The following LRRIQ1 variants were observed in gnomAD, a reference collection of about 807,000 sequenced individuals.
The protein encoded by LRRIQ1 is leucine rich repeats and IQ motif containing 1.
Under a neutral mutation model 211.9 loss-of-function variants are expected in LRRIQ1, and 210 were observed. That is an observed-to-expected ratio of 0.99 (90% confidence interval 0.89 to 1.11). The LOEUF is 1.11. Ranked by LOEUF, LRRIQ1 falls within the 50% of genes most tolerant of loss-of-function variation. LRRIQ1 has a pLI of 0.00. For synonymous variants in LRRIQ1, 699 were observed against 650.1 expected (o/e 1.08, Z -1.14); for missense variants, 2,136 against 1,939.5 (o/e 1.10, Z -1.90).
rs555601217 is a variant in LRRIQ1 at position 85,133,483 on chromosome 12, G to A, written c.4210-4367G>A. Among the ~76,000 whole-genome samples, 6 of 152,248 alleles carry A rather than the reference G, an allele frequency of 3.9e-5. No individual in the cohort carries two copies. In the South Asian group the frequency reaches 1.0e-3, roughly 26 times the overall value. On this transcript the variant is annotated intron_variant, in intron 18 of 26. Coordinates refer to ENST00000393217, the MANE Select transcript of LRRIQ1 (RefSeq NM_001079910.2). ...AATAAATTGTAATTCTTCCGAGGGT[G>A]TGACAATATATTTCTTACTTCTCCT...
At chr12:85,186,619 A>G (rs1892240442) in intron 24 of LRRIQ1, among the ~76,000 whole-genome samples, 1 of 152,150 alleles carries the variant, frequency 6.6e-6, no homozygotes, top group African/African-American at 2.4e-5. Context: ...GAGTACTTTA[A>G]TGGTAGCATT....
rs566528717 is a variant in LRRIQ1, at chr12:85,065,704, T to C, written c.2544+290T>C. 3.5e-4 allele frequency among the ~76,000 whole-genome samples: 53 copies of C among 151,966 alleles called. No individual in the cohort carries two copies. The South Asian group carries it at 0.011, about 31-fold the overall frequency. On this transcript the variant is annotated intron_variant, in intron 9 of 26. Transcript: ENST00000393217. Reference sequence around the variant, plus strand: ...ACTTAGTAGTTTAAACCAACAACCATCCTATTTGTTCATGGGTCTGTGGGC... The same window carrying C: ...ACTTAGTAGTTTAAACCAACAACCACCCTATTTGTTCATGGGTCTGTGGGC...
chr12:85,198,349 G>T (rs977330471), intron 24 of LRRIQ1, among the ~76,000 whole-genome samples: 2 of 150,390 alleles, frequency 1.3e-5, no homozygotes, highest in African/African-American at 4.9e-5. Context: ...TGAGGTAAAT[G>T]GTAATTCTGT....
intron 15 of LRRIQ1, among the ~76,000 whole-genome samples, chr12:85,110,814 A>G (rs138646725): frequency 3.3e-5 from 5 of 152,222 alleles, no homozygotes; most frequent in African/African-American, 1.2e-4. Flanking sequence ...TAGTCTATTC[A>G]GATGTAAAAT....
chr12:85,249,123 A>T (rs1235013761), downstream of LRRIQ1, among the ~76,000 whole-genome samples: 1 of 151,752 alleles, frequency 6.6e-6, no homozygotes, highest in African/African-American at 2.4e-5. Flanking sequence ...TATAGCTCTT[A>T]TGAAAAAATA....
intron 1 of LRRIQ1, among the ~76,000 whole-genome samples, chr12:85,252,331 A>G (rs1895969359): frequency 6.6e-6 from 1 of 151,946 alleles, no homozygotes; most frequent in South Asian, 2.1e-4. Context: ...TGAAAATGAT[A>G]TTTTAGTTAA....
At chr12:85,079,244 C>CTTTTTTTTT (rs3058476) in intron 11 of LRRIQ1, among the ~76,000 whole-genome samples, 7 of 103,574 alleles carry the variant, frequency 6.8e-5, no homozygotes, top group East Asian at 3.5e-4. Flanking sequence ...GTATCTTTAT[C>CTTTTTTTTT]TTTTTTTTTT....
chr12:85,039,007 A>C (rs1028335720), intron 2 of LRRIQ1, among the ~76,000 whole-genome samples: 11 of 151,244 alleles, frequency 7.3e-5, no homozygotes, highest in Admixed American at 1.3e-4. Flanking sequence ...TGAAAAAGAA[A>C]ATTTTTTAAA....
chr12:85,041,324 CTGTT>C (rs1056367307), intron 3 of LRRIQ1, among the ~76,000 whole-genome samples: 10 of 151,682 alleles, frequency 6.6e-5, no homozygotes, highest in African/African-American at 2.4e-4. Flanking sequence ...GGCAAAGATT[CTGTT>C]TCTCTGTTTT....
At chr12:85,251,658 C>T (rs1332844295) in intron 1 of LRRIQ1, among the ~76,000 whole-genome samples, 1 of 151,350 alleles carries the variant, frequency 6.6e-6, no homozygotes, top group Non-Finnish European at 1.5e-5. Context: ...TGTTTTCTTA[C>T]ATATATGATC....
intron 10 of LRRIQ1, among the ~76,000 whole-genome samples, chr12:85,071,694 A>C (rs1883098486): frequency 1.3e-5 from 2 of 152,076 alleles, no homozygotes; most frequent in Admixed American, 6.6e-5. Context: ...TCACAGTTCC[A>C]CACGGCTGGG....
At chr12:85,068,849 C>T (rs1882735637) in intron 10 of LRRIQ1, among the ~76,000 whole-genome samples, 1 of 150,970 alleles carries the variant, frequency 6.6e-6, no homozygotes, top group Admixed American at 6.6e-5. Flanking sequence ...TACAGAATGT[C>T]CTGCCTCAGG....
At chr12:85,261,112 C>A (rs1357352226) in intron 1 of LRRIQ1, among the ~76,000 whole-genome samples, 1 of 152,166 alleles carries the variant, frequency 6.6e-6, no homozygotes, top group Non-Finnish European at 1.5e-5. Context: ...CCATGAAGGT[C>A]TCTAAATTCC....
chr12:85,265,767 GTTTC>G (rs1212793977), downstream of LRRIQ1, among the ~76,000 whole-genome samples: 3 of 151,672 alleles, frequency 2.0e-5, no homozygotes, highest in African/African-American at 2.4e-5. Flanking sequence ...ATAATATCTT[GTTTC>G]TTTTTAATTT....
intron 23 of LRRIQ1, among the ~76,000 whole-genome samples, chr12:85,158,820 C>T (rs1009220828): frequency 4.6e-5 from 7 of 151,616 alleles, no homozygotes; most frequent in Admixed American, 6.6e-5. Context: ...TGAATAAAAA[C>T]GTGTAACAAA....
chr12:85,156,153 A>T (rs997209950), intron 23 of LRRIQ1, among the ~76,000 whole-genome samples: 1 of 151,670 alleles, frequency 6.6e-6, no homozygotes, highest in African/African-American at 2.4e-5. Context: ...TTGCATTCTT[A>T]TTACCGTGTA....
chr12:85,240,639 C>T (rs577769185), intron 26 of LRRIQ1, among the ~76,000 whole-genome samples: 24 of 152,122 alleles, frequency 1.6e-4, no homozygotes, highest in African/African-American at 4.1e-4. Context: ...AATGATGGTA[C>T]ATACATACAG....
In LRRIQ1 at chr12:85,257,055, TAA is replaced by T. The variant is rs1491298108; in HGVS notation, c.122-5859_122-5858del. 2.6e-5 allele frequency among the ~76,000 whole-genome samples: 3 copies of T among 116,096 alleles called. No individual in the cohort carries two copies. The South Asian group carries it at 6.6e-4, about 26-fold the overall frequency. 76.2% of individuals were successfully genotyped at this position (116,096 alleles called of 152,430 possible). On this transcript the variant is annotated intron_variant, in intron 1 of 1. Coordinates refer to the LRRIQ1 transcript ENST00000602731. ...AATATATATTATATAATTATATATA[TAA>T]TTATATAATTATATAAATATATATA...
chr12:85,141,937 GC>G (rs34444769), intron 19 of LRRIQ1, among the ~76,000 whole-genome samples: 90,509 of 150,538 alleles, frequency 0.6, 29,403 homozygotes, highest in African/African-American at 0.87. Flanking sequence ...ATTCTTTCCT[GC>G]CATTAACATG....
Sources: gnomAD v4.1 joint callset for allele counts (sites outside exome capture counted in the v4.1 genomes callset) on GRCh38, gnomAD v4.1.1 for gene constraint, MANE v1.5 for transcripts, NCBI Gene and HGNC (gene_info 2026-07-23, HGNC 2026-07-21) for gene names.